Variants in KCNIP4 observed in about 807,000 individuals in gnomAD.
The protein encoded by KCNIP4 is Kv channel-interacting protein 4.
A neutral mutation model predicts 34.0 loss-of-function variants in KCNIP4; 12 were observed. That is an observed-to-expected ratio of 0.35 (90% CI 0.23 to 0.57). The LOEUF is 0.57. Among genes scored for constraint, KCNIP4 ranks in the 20% least tolerant of loss-of-function variants. KCNIP4 has a pLI of 0.83. For synonymous variants in KCNIP4, 124 were observed against 102.2 expected (o/e 1.21, Z -1.29); for missense variants, 238 against 311.7 (o/e 0.76, Z 1.78).
In KCNIP4 at chr4:21,117,591, C is replaced by T. The variant is rs139999883; in HGVS notation, c.62-234882G>A. Reference sequence around the variant, plus strand: ...TTGCCAAAGAGTTAATGCTCTTTCCCGGAGAGAGGCAGTGAACAGATTCCG... The same window carrying T: ...TTGCCAAAGAGTTAATGCTCTTTCCTGGAGAGAGGCAGTGAACAGATTCCG... On this transcript the variant is annotated intron_variant, in intron 1 of 8. Coordinates refer to ENST00000382152, the MANE Select transcript of KCNIP4 (RefSeq NM_025221.6). Among the ~76,000 whole-genome samples the T allele has an allele frequency of 1.9e-4, 29 of 152,196 alleles. 1 individual carries two copies. In the East Asian group the frequency reaches 3.5e-3, roughly 18 times the overall value.
intron 1 of KCNIP4, among the ~76,000 whole-genome samples, chr4:21,384,781 T>C (rs897325119): frequency 2.0e-5 from 3 of 152,208 alleles, no homozygotes; most frequent in Non-Finnish European, 4.4e-5. Context: ...ACTGGCCACA[T>C]CTACATCACA....
chr4:21,277,207 G>A (rs1296234216), intron 1 of KCNIP4, among the ~76,000 whole-genome samples: 1 of 152,126 alleles, frequency 6.6e-6, no homozygotes, highest in Non-Finnish European at 1.5e-5. Context: ...TGATGAAAAT[G>A]ACTAGATTTT....
At chr4:21,824,771 C>T (rs917397202) in intron 1 of KCNIP4, among the ~76,000 whole-genome samples, 1 of 152,076 alleles carries the variant, frequency 6.6e-6, no homozygotes, top group Non-Finnish European at 1.5e-5. Context: ...ATCTGGGCAG[C>T]AATCAAGGAG....
chr4:21,919,954 G>T (rs1003259460), intron 1 of KCNIP4, among the ~76,000 whole-genome samples: 7 of 152,096 alleles, frequency 4.6e-5, no homozygotes, highest in African/African-American at 9.7e-5. Context: ...GTTAAAAAAA[G>T]GTCTAATTAA....
At chr4:20,766,490 T>C (rs1312461270) in intron 3 of KCNIP4, among the ~76,000 whole-genome samples, 1 of 152,120 alleles carries the variant, frequency 6.6e-6, no homozygotes, top group Non-Finnish European at 1.5e-5. Flanking sequence ...CACTTGAATC[T>C]GGGAGATGGA....
intron 1 of KCNIP4, among the ~76,000 whole-genome samples, chr4:21,833,955 C>T (rs1723160500): frequency 6.6e-6 from 1 of 151,746 alleles, no homozygotes; most frequent in Non-Finnish European, 1.5e-5. Context: ...ATCTATATCT[C>T]TGTTTTGGTA....
intron 1 of KCNIP4, among the ~76,000 whole-genome samples, chr4:21,419,341 T>TG (rs1409752322): frequency 1.3e-5 from 2 of 152,136 alleles, no homozygotes; most frequent in Non-Finnish European, 2.9e-5. Flanking sequence ...TTATGTGATA[T>TG]ATACACCAGG....
intron 1 of KCNIP4, among the ~76,000 whole-genome samples, chr4:21,446,663 G>T (rs1162558452): frequency 6.6e-6 from 1 of 150,676 alleles, no homozygotes; most frequent in Non-Finnish European, 1.5e-5. Context: ...ATTAGGAGAT[G>T]TACCTAATGT....
At chr4:21,675,601 A>G (rs1333598179) in intron 1 of KCNIP4, among the ~76,000 whole-genome samples, 1 of 152,140 alleles carries the variant, frequency 6.6e-6, no homozygotes, top group East Asian at 1.9e-4. Flanking sequence ...TTTTTTTATT[A>G]AAAGAAAAGA....
intron 1 of KCNIP4, among the ~76,000 whole-genome samples, chr4:21,319,334 C>T (rs1357730203): frequency 1.3e-5 from 2 of 152,200 alleles, no homozygotes; most frequent in African/African-American, 2.4e-5. Context: ...CAGACACATG[C>T]TATACACAGA....
intron 1 of KCNIP4, among the ~76,000 whole-genome samples, chr4:21,409,972 T>C (rs1241156539): frequency 2.0e-5 from 3 of 152,148 alleles, no homozygotes; most frequent in African/African-American, 7.2e-5. Context: ...ACCTGCCTGG[T>C]TGAATGGGAA....
At chr4:20,981,231 T>G (rs1289720457) in intron 1 of KCNIP4, among the ~76,000 whole-genome samples, 2 of 152,214 alleles carry the variant, frequency 1.3e-5, no homozygotes, top group Non-Finnish European at 2.9e-5. Context: ...AGGAGACCAC[T>G]TGGCTTGCTT....
At chr4:21,254,768 T>C (rs1456564819) in intron 1 of KCNIP4, among the ~76,000 whole-genome samples, 2 of 152,096 alleles carry the variant, frequency 1.3e-5, no homozygotes, top group Non-Finnish European at 2.9e-5. Flanking sequence ...GAGTTCACAT[T>C]TAGAAACTGG....
intron 1 of KCNIP4, among the ~76,000 whole-genome samples, chr4:21,436,791 G>A (rs534862610): frequency 1.8e-4 from 27 of 152,158 alleles, no homozygotes; most frequent in African/African-American, 6.0e-4. Flanking sequence ...AATAAATGTC[G>A]GCTGGTTTAC....
intron 1 of KCNIP4, among the ~76,000 whole-genome samples, chr4:21,125,188 CTTATTTTATTTTATT>C (rs71189682): frequency 4.8e-4 from 57 of 119,084 alleles, no homozygotes; most frequent in South Asian, 8.6e-4. Context: ...TTTATTTTGT[CTTATTTTATTTTATT>C]TTATTTTATT....
chr4:21,715,173 C>T (rs75497605), intron 1 of KCNIP4, among the ~76,000 whole-genome samples: 3 of 150,966 alleles, frequency 2.0e-5, no homozygotes, highest in East Asian at 1.9e-4. Flanking sequence ...CTCCGCCTCC[C>T]GGGTTCACTC....
chr4:21,483,405 G>T (rs992838938), intron 1 of KCNIP4, among the ~76,000 whole-genome samples: 19 of 152,050 alleles, frequency 1.2e-4, no homozygotes, highest in African/African-American at 4.6e-4. Context: ...CCTGGTGGGA[G>T]GTGATTGAAT....
chr4:21,543,715 C>T (rs911526473), intron 1 of KCNIP4, among the ~76,000 whole-genome samples: 4 of 152,048 alleles, frequency 2.6e-5, no homozygotes, highest in East Asian at 1.9e-4. Flanking sequence ...TTTGTTTCTC[C>T]GATTACAGAT....
chr4:21,683,394 C>G (rs766708553), intron 1 of KCNIP4, among the ~76,000 whole-genome samples: 14 of 147,798 alleles, frequency 9.5e-5, no homozygotes, highest in Non-Finnish European at 1.8e-4. Flanking sequence ...GTCACTGAAC[C>G]TAACATAAGT....
Sources: allele counts gnomAD v4.1 joint callset (sites outside exome capture counted in the v4.1 genomes callset), GRCh38; gene constraint gnomAD v4.1.1; transcripts MANE v1.5; gene names NCBI Gene and HGNC (gene_info 2026-07-23, HGNC 2026-07-21).